ZNF420: variants seen among roughly 807,000 people sequenced by gnomAD.
ZNF420 encodes zinc finger protein 420.
In ZNF420, 31 loss-of-function variants were observed where a neutral mutation model predicts 44.7. That is an observed-to-expected ratio of 0.69 (90% CI 0.52 to 0.94). ZNF420 has a LOEUF of 0.94. ZNF420 is among the 40% of genes least tolerant of loss of function. The pLI, the probability that ZNF420 is intolerant of heterozygous loss-of-function variation, is 0.00. For missense variants in ZNF420, 681 were observed against 827.9 expected (o/e 0.82, Z 2.18); for synonymous variants, 245 against 267.4 (o/e 0.92, Z 0.82).
At chr19:37,054,304 CCTGGG>C (rs1291493289) in intron 1 of ZNF420, among the ~76,000 whole-genome samples, 6 of 152,266 alleles carry the variant, frequency 3.9e-5, no homozygotes, top group African/African-American at 1.4e-4. Flanking sequence ...CCTTGCGCTT[CCTGGG>C]TGAGGTGATG....
At chr19:37,012,191 C>G (rs2074574470) in intron 1 of ZNF420, among the ~76,000 whole-genome samples, 2 of 152,274 alleles carry the variant, frequency 1.3e-5, no homozygotes, top group South Asian at 4.1e-4. Context: ...AGCCCTGGGG[C>G]GCCCGCAGTC....
chr19:37,107,461 G>A (rs1295861877), intron 4 of ZNF420: 3 of 152,314 alleles, frequency 2.0e-5, no homozygotes. Context: ...ACATGTCTCT[G>A]TGAGCACAGG....
chr19:37,083,550 G>A (rs886960338), intron 2 of ZNF420, among the ~76,000 whole-genome samples: 6 of 151,816 alleles, frequency 4.0e-5, no homozygotes, highest in African/African-American at 1.5e-4. Context: ...GTTATGTTTC[G>A]ATCTGTGACA....
chr19:37,088,625 G>T (rs1284261802), intron 2 of ZNF420, among the ~76,000 whole-genome samples: 1 of 152,000 alleles, frequency 6.6e-6, no homozygotes, highest in African/African-American at 2.4e-5. Flanking sequence ...AATATAAAAG[G>T]TGTCAACAAT....
intron 4 of ZNF420, among the ~76,000 whole-genome samples, chr19:37,104,143 C>T (rs1207180794): frequency 3.4e-5 from 5 of 148,544 alleles, no homozygotes; most frequent in East Asian, 2.0e-4. Flanking sequence ...CCCCCTCCCC[C>T]GACCCCACAA....
intron 4 of ZNF420, among the ~76,000 whole-genome samples, chr19:37,115,478 T>C (rs1034708100): frequency 6.6e-6 from 1 of 151,668 alleles, no homozygotes; most frequent in Non-Finnish European, 1.5e-5. Flanking sequence ...GAGGTCTTTG[T>C]GTCATAAATA....
rs1396978997 is a variant in ZNF420, at chr19:37,021,192, CTATT to C, written c.-125+13111_-125+13114del. 2.0e-5 allele frequency among the ~76,000 whole-genome samples: 3 copies of C among 152,222 alleles called. No individual in the cohort carries two copies. The East Asian group carries it at 5.8e-4, about 29-fold the overall frequency. ...GAGTCTCTGTACTGACTATTCAACT[CTATT>C]ATAATAGGAAGAAAGCAGCCATAGA... On this transcript the variant is annotated intron_variant, in intron 1 of 4. Transcript: ENST00000587029.
intron 1 of ZNF420, among the ~76,000 whole-genome samples, chr19:37,048,664 CCT>C (rs1423560976): frequency 1.3e-5 from 2 of 152,072 alleles, no homozygotes; most frequent in Non-Finnish European, 2.9e-5. Flanking sequence ...AGAGTGGACT[CCT>C]ATTGGTGGCC....
At chr19:37,097,029 G>T (rs1351589968) in intron 4 of ZNF420, among the ~76,000 whole-genome samples, 3 of 151,726 alleles carry the variant, frequency 2.0e-5, no homozygotes, top group African/African-American at 7.3e-5. Context: ...CTCCCAAGTA[G>T]CTGGGACTAC....
chr19:37,126,899 A>G (rs1402929871), intron 4 of ZNF420, among the ~76,000 whole-genome samples: 5 of 152,182 alleles, frequency 3.3e-5, no homozygotes, highest in Admixed American at 1.3e-4. Context: ...AAATTGAAAA[A>G]AGTAGAAATA....
chr19:37,098,808 A>G (rs1258331405), intron 4 of ZNF420, among the ~76,000 whole-genome samples: 1 of 152,158 alleles, frequency 6.6e-6, no homozygotes, highest in East Asian at 1.9e-4. Flanking sequence ...CTATCTAACT[A>G]TAACTTTGTA....
chr19:37,112,415 A>G (rs1185976796), intron 4 of ZNF420, among the ~76,000 whole-genome samples: 1 of 152,112 alleles, frequency 6.6e-6, no homozygotes, highest in Non-Finnish European at 1.5e-5. Flanking sequence ...ATCTGGCCCT[A>G]AGCAATGTAA....
chr19:37,057,932 GACA>G (rs1440844698), intron 1 of ZNF420, among the ~76,000 whole-genome samples: 1 of 152,142 alleles, frequency 6.6e-6, no homozygotes, highest in Non-Finnish European at 1.5e-5. Flanking sequence ...AACCGGAGAT[GACA>G]ACAATACCTG....
rs564436149 is a variant in ZNF420, at chr19:37,016,145, C to T, written c.-125+8063C>T. Among the ~76,000 whole-genome samples the T allele has an allele frequency of 3.3e-5, 5 of 152,334 alleles. No homozygotes were observed. The South Asian group carries it at 1.0e-3, about 32-fold the overall frequency. On this transcript the variant is annotated intron_variant, in intron 1 of 4. Coordinates refer to the ZNF420 transcript ENST00000587029. ...TTGGTCCTCCTATTCCGTCAGATGACTGCATGATTCCCATAGGATGAGAGG... is the reference window on the plus strand; with the variant it reads ...TTGGTCCTCCTATTCCGTCAGATGATTGCATGATTCCCATAGGATGAGAGG...
At chr19:37,076,797 A>C (rs1159308182), upstream of ZNF420, among the ~76,000 whole-genome samples, 1 of 152,152 alleles carries the variant, frequency 6.6e-6, no homozygotes, top group Non-Finnish European at 1.5e-5. Context: ...GGTTGGTTCC[A>C]AGTCTTTGCT....
intron 4 of ZNF420, among the ~76,000 whole-genome samples, chr19:37,115,435 T>G (rs1599708364): frequency 6.6e-6 from 1 of 151,674 alleles, no homozygotes; most frequent in Non-Finnish European, 1.5e-5. Flanking sequence ...AGGGTAATAG[T>G]GGGGAGAGGG....
At chr19:37,106,803 A>G (rs561613481) in intron 4 of ZNF420, 2 of 152,244 alleles carry the variant, frequency 1.3e-5, no homozygotes, top group East Asian at 3.9e-4. Context: ...GTATTTATTG[A>G]TCATTATCTC....
chr19:37,010,016 G>A (rs703530), intron 1 of ZNF420, among the ~76,000 whole-genome samples: 53,046 of 152,058 alleles, frequency 0.35, 9,536 homozygotes, highest in African/African-American at 0.4. Context: ...GCCATTGTTC[G>A]AGGGGGCCTC....
At position 37,129,972 on chromosome 19, in the gene ZNF420, C is replaced by T. The variant is rs1971574996; in HGVS notation, c.*914C>T. 2 of 1,443,928 alleles carry T rather than the reference C, an allele frequency of 1.4e-6. No individual in the cohort carries two copies. Among genetic ancestry groups the T allele is most frequent in the East Asian group, 2.6e-5 (1 of 38,370 alleles). The allele number at this position is 1,443,928 out of a possible 1,614,324, so 89.4% of individuals were successfully genotyped here. On this transcript the variant is annotated 3_prime_UTR_variant, in exon 5 of 5. Coordinates refer to ENST00000337995, the MANE Select transcript of ZNF420 (RefSeq NM_144689.5). ...TGATGAGAGTTTGTGATACAGACTGCTTTTTTCCTACCCTATATCTATTTT... is the reference window on the plus strand; with the variant it reads ...TGATGAGAGTTTGTGATACAGACTGTTTTTTTCCTACCCTATATCTATTTT...
Sources: gnomAD v4.1 joint callset for allele counts (sites outside exome capture counted in the v4.1 genomes callset) on GRCh38, gnomAD v4.1.1 for gene constraint, MANE v1.5 for transcripts, NCBI Gene and HGNC (gene_info 2026-07-23, HGNC 2026-07-21) for gene names.